TMEM131: variants seen among roughly 807,000 people sequenced by gnomAD.
TMEM131 encodes transmembrane protein 131, also known as 2610524E03Rik.
A neutral mutation model predicts 211.6 loss-of-function variants in TMEM131; 66 were observed. The observed-to-expected ratio is 0.31, with a 90% CI of 0.26 to 0.38. The LOEUF (loss-of-function observed/expected upper bound fraction) is 0.38, where lower values mean the gene tolerates loss of function less well. TMEM131 is among the 10% of genes least tolerant of loss of function. The pLI, the probability that TMEM131 is intolerant of heterozygous loss-of-function variation, is 1.00. For missense variants in TMEM131, 2,036 were observed against 2,299.3 expected, an observed-to-expected ratio of 0.89 and a Z score of 2.34; for synonymous variants, 844 against 841.3, an observed-to-expected ratio of 1.00 and a Z score of -0.06.
In TMEM131 at chr2:97,762,070, G is replaced by A. The variant is rs1017672761; in HGVS notation, c.4854C>T (p.Gly1618=). The change falls in exon 36 of 41, where the codon GGC becomes GGT. Residue 1618 remains glycine, a synonymous_variant. Coordinates refer to ENST00000186436, the MANE Select transcript of TMEM131 (RefSeq NM_015348.2). ...TGCTGTTGACGATGCTGCTGTAGCT[G>A]CCCCGGGCCACAAAGGGGCAGGGGG... ...PAAPCPFVAR[G]SYSSIVNSSS... 1 of 1,600,952 alleles carries A rather than the reference G, an allele frequency of 6.2e-7. No individual in the cohort carries two copies. Among genetic ancestry groups the A allele is most frequent in the Non-Finnish European group, 8.5e-7 (1 of 1,175,340 alleles).
At position 97,844,230 on chromosome 2, in the gene TMEM131, T is replaced by A; in HGVS notation, c.515A>T (p.Asp172Val). 7.5e-7 allele frequency: 1 copy of A among 1,329,774 alleles called. No individual in the cohort carries two copies. Among genetic ancestry groups the A allele is most frequent in the Non-Finnish European group, 9.9e-7 (1 of 1,009,326 alleles). 82.4% of individuals were successfully genotyped at this position (1,329,774 alleles called of 1,614,324 possible). ...KILPGGNTSFDVVFLARVVGN... is the reference protein window; with the variant it reads ...KILPGGNTSFVVVFLARVVGN... ...TACTACTCTTGCAAGAAAAACTACA[T>A]CAAATGATGTATTTCCTCCTGGAAG... The change falls in exon 6 of 41, where the codon GAT becomes GTT. Residue 172 changes from aspartate to valine, a missense_variant. Transcript: ENST00000186436.
At chr2:97,983,088 G>A (rs1679866287) in intron 1 of TMEM131, among the ~76,000 whole-genome samples, 1 of 152,170 alleles carries the variant, frequency 6.6e-6, no homozygotes, top group Non-Finnish European at 1.5e-5. Flanking sequence ...AAGCTCAGGG[G>A]TTGCCTTTGC....
At chr2:97,853,145 G>A (rs1673693784) in intron 5 of TMEM131, among the ~76,000 whole-genome samples, 1 of 152,222 alleles carries the variant, frequency 6.6e-6, no homozygotes, top group South Asian at 2.1e-4. Context: ...CCATTCTTCA[G>A]CCAAGGATCA....
At chr2:97,904,136 G>A (rs948019266) in intron 3 of TMEM131, among the ~76,000 whole-genome samples, 4 of 152,066 alleles carry the variant, frequency 2.6e-5, no homozygotes, top group African/African-American at 7.2e-5. Flanking sequence ...AGACGTTAAT[G>A]GGACAATTTA....
intron 2 of TMEM131, among the ~76,000 whole-genome samples, chr2:97,922,145 C>G (rs1676767689): frequency 6.6e-6 from 1 of 152,140 alleles, no homozygotes; most frequent in Non-Finnish European, 1.5e-5. Context: ...GTTAGATTCT[C>G]CTAAGGCACG....
intron 1 of TMEM131, among the ~76,000 whole-genome samples, chr2:97,939,022 T>C (rs1357312437): frequency 4.6e-5 from 7 of 152,232 alleles, no homozygotes; most frequent in Admixed American, 2.0e-4. Context: ...GGGACACATT[T>C]AAAGCAGTGT....
intron 5 of TMEM131, among the ~76,000 whole-genome samples, chr2:97,848,206 GA>G (rs765878019): frequency 6.6e-6 from 1 of 152,110 alleles, no homozygotes; most frequent in Non-Finnish European, 1.5e-5. Flanking sequence ...CAATGAAAAA[GA>G]ATAGTTGTTT....
intron 2 of TMEM131, among the ~76,000 whole-genome samples, chr2:97,916,585 T>C (rs1473661014): frequency 2.0e-5 from 3 of 152,316 alleles, no homozygotes; most frequent in African/African-American, 4.8e-5. Flanking sequence ...AGTTGTAATA[T>C]TGTAAAACTG....
At chr2:97,787,036 T>C (rs1437000654) in intron 31 of TMEM131, among the ~76,000 whole-genome samples, 1 of 152,252 alleles carries the variant, frequency 6.6e-6, no homozygotes, top group Non-Finnish European at 1.5e-5. Context: ...AGGTTTCTGC[T>C]GATAGTACCG....
intron 4 of TMEM131, among the ~76,000 whole-genome samples, chr2:97,869,579 G>A (rs536405479): frequency 4.3e-4 from 66 of 152,326 alleles, no homozygotes; most frequent in Non-Finnish European, 6.3e-4. Flanking sequence ...TATTTTAGTC[G>A]TTGCGTGCTC....
intron 31 of TMEM131, 107 bp downstream of exon 31, chr2:97,792,279 A>T: frequency 3.3e-6 from 3 of 899,582 alleles, no homozygotes; most frequent in Non-Finnish European, 4.8e-6. Flanking sequence ...AGCCAGAGGA[A>T]CCTACTGAAT....
At chr2:97,813,337 C>A (rs1183308973) in intron 15 of TMEM131, among the ~76,000 whole-genome samples, 1 of 152,182 alleles carries the variant, frequency 6.6e-6, no homozygotes, top group Non-Finnish European at 1.5e-5. Context: ...TCGATGCCAA[C>A]TATTTAAAGG....
At position 97,756,960 on chromosome 2, in the gene TMEM131, T is replaced by C; in HGVS notation, c.*139A>G. 2.0e-6 allele frequency: 2 copies of C among 978,296 alleles called. No homozygotes were observed. Among genetic ancestry groups the C allele is most frequent in the Non-Finnish European group, 2.9e-6 (2 of 687,906 alleles). 60.6% of individuals were successfully genotyped at this position (978,296 alleles called of 1,614,324 possible). Reference sequence around the variant, plus strand: ...CTGAAAGAAGCGAGTGGTCTGAGCCTGCCCTGCTTGGGTCTGTTTTGCAAA... The same window carrying C: ...CTGAAAGAAGCGAGTGGTCTGAGCCCGCCCTGCTTGGGTCTGTTTTGCAAA... On this transcript the variant is annotated 3_prime_UTR_variant, in exon 41 of 41. Transcript: ENST00000186436.
chr2:97,914,831 T>C (rs1260972655), intron 2 of TMEM131, among the ~76,000 whole-genome samples: 1 of 152,268 alleles, frequency 6.6e-6, no homozygotes, highest in Non-Finnish European at 1.5e-5. Flanking sequence ...AGAGCTGCTA[T>C]GAACATTTAT....
chr2:97,929,871 T>C (rs947969070), intron 1 of TMEM131, among the ~76,000 whole-genome samples: 2 of 151,818 alleles, frequency 1.3e-5, no homozygotes, highest in African/African-American at 2.4e-5. Flanking sequence ...TCCTGGCTTA[T>C]AGTGGAATTT....
chr2:97,895,857 C>G (rs945440560), intron 3 of TMEM131, among the ~76,000 whole-genome samples: 1 of 152,086 alleles, frequency 6.6e-6, no homozygotes, highest in Non-Finnish European at 1.5e-5. Flanking sequence ...TTTTGTGTCT[C>G]TATCTCCTTC....
chr2:97,781,411 C>T (rs796474328), intron 31 of TMEM131, among the ~76,000 whole-genome samples: 6 of 152,334 alleles, frequency 3.9e-5, no homozygotes, highest in African/African-American at 1.4e-4. Flanking sequence ...AATAAGTAGA[C>T]TGTAATGCTC....
rs552274328 is a variant in TMEM131 at position 97,969,755 on chromosome 2, C to T, written c.187+25721G>A. ...AATAGAACTATGAAACTGAAAGCCA[C>T]GCATATTCTCCTACAAGTAGCTGAT... On this transcript the variant is annotated intron_variant, in intron 1 of 40. Transcript: ENST00000186436. Among the ~76,000 whole-genome samples, 80 of 152,334 alleles carry T rather than the reference C, an allele frequency of 5.3e-4. 3 individuals carry two copies. The South Asian group carries it at 0.016, about 30-fold the overall frequency.
intron 11 of TMEM131, 81 bp downstream of exon 11, chr2:97,833,284 G>C (rs1319251725): frequency 5.8e-6 from 4 of 685,036 alleles, no homozygotes; most frequent in Non-Finnish European, 9.6e-6. Flanking sequence ...TTTAGAATAA[G>C]GGTTTAATTA....
Sources: allele counts gnomAD v4.1 joint callset (sites outside exome capture counted in the v4.1 genomes callset), GRCh38; gene constraint gnomAD v4.1.1; transcripts MANE v1.5; gene names NCBI Gene and HGNC (gene_info 2026-07-23, HGNC 2026-07-21).